The following FBXL19 variants were observed in gnomAD, a reference collection of about 807,000 sequenced individuals.
The protein encoded by FBXL19 is F-box/LRR-repeat protein 19.
Under a neutral mutation model 71.2 loss-of-function variants are expected in FBXL19, and 16 were observed. The observed-to-expected ratio is 0.22, with a 90% CI of 0.15 to 0.34. The LOEUF (loss-of-function observed/expected upper bound fraction) is 0.34. Among genes scored for constraint, FBXL19 ranks in the 10% least tolerant of loss-of-function variants. The pLI, the probability that FBXL19 is intolerant of heterozygous loss-of-function variation, is 1.00. For synonymous variants in FBXL19, 447 were observed against 409.4 expected (o/e 1.09, Z -1.11); for missense variants, 658 against 968.2 (o/e 0.68, Z 4.25).
Position 30,928,543 on chromosome 16 carries a change from G to GC in FBXL19, c.707dup (p.Leu238ProfsTer65). The GC allele has an allele frequency of 6.2e-7, 1 of 1,608,096 alleles. No individual in the cohort carries two copies. The highest frequency in any genetic ancestry group is 8.5e-7 in the Non-Finnish European group (1 of 1,177,288). ...CTCCTCCGAGGATCGGACCCAGGCGGCCCGGGCCTGCTGCCCCCCAGGGTT... is the reference window on the plus strand; with the variant it reads ...CTCCTCCGAGGATCGGACCCAGGCGGCCCCGGGCCTGCTGCCCCCCAGGGTT... On this transcript the variant is annotated frameshift_variant, in exon 6 of 11. Transcript: ENST00000338343. LOFTEE classifies it high-confidence loss of function.
intron 1 of FBXL19, chr16:30,924,767 G>A (rs1424932316): frequency 2.0e-6 from 3 of 1,487,574 alleles, no homozygotes; most frequent in East Asian, 2.7e-5. Flanking sequence ...GGGGAATCTG[G>A]GGTAAGACTG....
At position 30,930,271 on chromosome 16, in the gene FBXL19, G is replaced by T. The variant is rs1215585870; in HGVS notation, c.988G>T (p.Ala330Ser). The T allele has an allele frequency of 2.5e-6, 4 of 1,612,706 alleles. No individual in the cohort carries two copies. The highest frequency in any genetic ancestry group is 3.4e-6 in the Non-Finnish European group (4 of 1,179,750). ...SLSEDEAPGEARNGRRPARGS... is the reference protein window; with the variant it reads ...SLSEDEAPGESRNGRRPARGS... ...GAGTGAGGACGAAGCCCCCGGCGAG[G>T]CCCGGAATGGGCGACGGCCAGCCCG... The change falls in exon 7 of 11, where the codon GCC becomes TCC. Residue 330 changes from alanine to serine, a missense_variant. Coordinates refer to ENST00000338343, the MANE Select transcript of FBXL19 (RefSeq NM_001382779.1). The surrounding 1 kb of genome is among the most constrained non-coding windows in gnomAD (Gnocchi z 8.5).
chr16:30,934,022 G>T (rs1390982070), intron 7 of FBXL19, among the ~76,000 whole-genome samples: 1 of 151,882 alleles, frequency 6.6e-6, no homozygotes. Context: ...CAAAGTGCTG[G>T]GATTACAAGC....
intron 9 of FBXL19, among the ~76,000 whole-genome samples, chr16:30,945,848 G>T (rs2055852452): frequency 1.1e-5 from 1 of 91,768 alleles, no homozygotes; most frequent in Non-Finnish European, 2.0e-5. Context: ...TCCGTCTCGG[G>T]GAAAAAAAAA....
chr16:30,923,161 C>T (rs1228215418), upstream of FBXL19: 2 of 456,602 alleles, frequency 4.4e-6, no homozygotes, highest in African/African-American at 2.0e-5. Flanking sequence ...AGGTACCACA[C>T]ACGCGGAGGG....
rs769391173 is a variant in FBXL19, at chr16:30,930,259, G to T, written c.976G>T (p.Ala326Ser). 1 of 1,612,852 alleles carries T rather than the reference G, an allele frequency of 6.2e-7. No homozygotes were observed. Among genetic ancestry groups the T allele is most frequent in the South Asian group, 1.1e-5 (1 of 91,090 alleles). The stretch of plus-strand genomic sequence containing the variant: ...GGGCACATCGCTGAGTGAGGACGAA[G>T]CCCCCGGCGAGGCCCGGAATGGGCG... ...SSGTSLSEDE[A>S]PGEARNGRRP... Residue 326 changes from alanine to serine, a missense_variant, in exon 7 of 11, where the codon GCC becomes TCC. By Grantham distance (99) the Ala-to-Ser change is moderately conservative. Around this residue, in one of 8 missense-constraint regions of FBXL19, gnomAD observed 447 missense variants for 515.4 expected, o/e 0.87. Coordinates refer to ENST00000338343, the MANE Select transcript of FBXL19 (RefSeq NM_001382779.1). The surrounding 1 kb of genome is among the most constrained non-coding windows in gnomAD (Gnocchi z 8.5).
At chr16:30,928,366 G>A (rs2055627981) in intron 5 of FBXL19, 101 bp from the exon 6 acceptor site, 1 of 1,267,920 alleles carries the variant, frequency 7.9e-7, no homozygotes, top group African/African-American at 1.6e-5. Flanking sequence ...GGGGCTTCTG[G>A]GACTTGTAGT....
chr16:30,936,811 C>T (rs1018900385), intron 7 of FBXL19, among the ~76,000 whole-genome samples: 65 of 148,354 alleles, frequency 4.4e-4, no homozygotes, highest in African/African-American at 1.5e-3. Context: ...GCTGTGGTCT[C>T]GGCTCACTGC....
At chr16:30,933,634 C>T (rs763319897) in intron 7 of FBXL19, among the ~76,000 whole-genome samples, 2 of 148,748 alleles carry the variant, frequency 1.3e-5, no homozygotes, top group African/African-American at 2.5e-5. Flanking sequence ...AACTTTTTTG[C>T]AGGAACCAGG....
chr16:30,924,298 C>G lies in FBXL19; in HGVS notation c.-186C>G, dbSNP rs1291542823. The G allele has an allele frequency of 6.6e-6, 1 of 152,418 alleles. No homozygotes were observed. Among genetic ancestry groups the G allele is most frequent in the Non-Finnish European group, 1.5e-5 (1 of 68,318 alleles). 9.4% of individuals were successfully genotyped at this position (152,418 alleles called of 1,614,324 possible). A position where few individuals can be genotyped will look rare whatever the true frequency, so the allele number is the denominator to read the frequency against. ...CCCCCATCTCCACTCGCCGCCGTCC[C>G]GGCCTCCGCCGGAGGGAGGGGCCGA... On this transcript the variant is annotated 5_prime_UTR_variant, in exon 1 of 11. Transcript: ENST00000338343.
At position 30,930,125 on chromosome 16, in the gene FBXL19, C is replaced by G; in HGVS notation, c.842C>G (p.Ser281Cys). ...SAEGPAVPSP[S>C]PQREKLERFK... ...GAGGGCCCAGCGGTGCCGTCCCCGT[C>G]CCCGCAGAGGGAGAAGCTAGAGCGT... The change falls in exon 7 of 11, where the codon TCC becomes TGC. Residue 281 changes from serine (S) to cysteine (C), a missense_variant. Ser to Cys is a moderately radical substitution (Grantham distance 112, BLOSUM62 -1). Coordinates refer to ENST00000338343, the MANE Select transcript of FBXL19 (RefSeq NM_001382779.1). The surrounding 1 kb of genome is among the most constrained non-coding windows in gnomAD (Gnocchi z 8.5). 1 of 1,613,582 alleles carries G rather than the reference C, an allele frequency of 6.2e-7. No individual in the cohort carries two copies.
upstream of FBXL19, chr16:30,922,921 C>T (rs1260427368): frequency 5.0e-6 from 2 of 400,592 alleles, no homozygotes; most frequent in Non-Finnish European, 1.0e-5. Flanking sequence ...GCTAGGTAGC[C>T]TGCCATCTTT....
At chr16:30,926,602 A>C (rs962288996) in intron 2 of FBXL19, among the ~76,000 whole-genome samples, 6 of 140,998 alleles carry the variant, frequency 4.3e-5, no homozygotes, top group South Asian at 2.3e-4. Context: ...CCACTCTGCC[A>C]CCTCCCTCTC....
chr16:30,927,424 C>G lies in FBXL19; in HGVS notation c.294C>G (p.Asn98Lys). The G allele has an allele frequency of 6.3e-7, 1 of 1,592,560 alleles. No homozygotes were observed. The change falls in exon 3 of 11, where the codon AAC becomes AAG. Residue 98 changes from asparagine to lysine, a missense_variant. Asn to Lys is a moderately conservative substitution (Grantham distance 94). Transcript: ENST00000338343. The part of the protein sequence containing the change: ...GLSLMECTIC[N>K]EIVHPGCLKM... ...GCCTCATGGAGTGTACAATCTGCAA[C>G]GAGATCGTCCACCCCGGCTGCCTGA... is the stretch of plus-strand genomic sequence containing the variant.
chr16:30,947,293 C>A lies in FBXL19; in HGVS notation c.*63C>A. On this transcript the variant is annotated 3_prime_UTR_variant, in exon 11 of 11. Transcript: ENST00000338343. ...CCTGGACCTCCGGCTTCATTTCACC[C>A]CTGCTGGGAGGCCAGGTTCCCACCT... The A allele has an allele frequency of 7.2e-7, 1 of 1,380,592 alleles. No individual in the cohort carries two copies. 85.5% of individuals were successfully genotyped at this position (1,380,592 alleles called of 1,614,324 possible).
At chr16:30,944,169 CTTTTTTTT>C (rs761103868) in intron 9 of FBXL19, among the ~76,000 whole-genome samples, 4 of 62,936 alleles carry the variant, frequency 6.4e-5, no homozygotes, top group Admixed American at 1.9e-4. Flanking sequence ...GAAGGTGGGC[CTTTTTTTT>C]TTTTTTTTTT....
intron 7 of FBXL19, among the ~76,000 whole-genome samples, chr16:30,935,938 C>T (rs1240674302): frequency 6.6e-6 from 1 of 152,168 alleles, no homozygotes; most frequent in Non-Finnish European, 1.5e-5. Context: ...CATTCTCCAG[C>T]TTAGAAAGAA....
At chr16:30,932,737 G>A (rs900615278) in intron 7 of FBXL19, among the ~76,000 whole-genome samples, 7 of 152,118 alleles carry the variant, frequency 4.6e-5, no homozygotes, top group African/African-American at 1.4e-4. Context: ...GACACGAGCC[G>A]GGCAGAGCAG....
At chr16:30,928,758 G>C in intron 6 of FBXL19, 130 bp downstream of exon 6, 1 of 141,768 alleles carries the variant, frequency 7.1e-6, no homozygotes, top group Non-Finnish European at 1.3e-5. Flanking sequence ...TGGGTGTCCG[G>C]ACACCTGGGA....
Sources: gnomAD v4.1 joint callset for allele counts (sites outside exome capture counted in the v4.1 genomes callset) on GRCh38, gnomAD v4.1.1 for gene constraint, gnomAD v4.1.1 regional missense constraint, Gnocchi (gnomAD v3.1) non-coding constraint, MANE v1.5 for transcripts, NCBI Gene and HGNC (gene_info 2026-07-23, HGNC 2026-07-21) for gene names.